The following RALYL variants were observed in gnomAD, a reference collection of about 807,000 sequenced individuals.
The protein encoded by RALYL is RNA-binding Raly-like protein.
Under a neutral mutation model 35.1 loss-of-function variants are expected in RALYL, and 29 were observed. The observed-to-expected ratio is 0.83, with a 90% CI of 0.61 to 1.13. The LOEUF is 1.13. Ranked by LOEUF, RALYL falls within the 50% of genes most tolerant of loss-of-function variation. The pLI is 0.00. For missense variants in RALYL, 359 were observed against 360.4 expected (o/e 1.00, Z 0.03); for synonymous variants, 120 against 127.6 (o/e 0.94, Z 0.40).
intron 1 of RALYL, among the ~76,000 whole-genome samples, chr8:84,413,968 C>T (rs2044359618): frequency 6.6e-6 from 1 of 151,974 alleles, no homozygotes; most frequent in African/African-American, 2.4e-5. Context: ...CTGAAAATCT[C>T]ATTAGAGTAT....
At chr8:84,835,197 C>T (rs886831138) in intron 4 of RALYL, among the ~76,000 whole-genome samples, 9 of 151,948 alleles carry the variant, frequency 5.9e-5, no homozygotes, top group Admixed American at 3.9e-4. Context: ...GAAAGGCTAA[C>T]AAAAATAAAT....
chr8:84,278,185 C>G (rs942276572), intron 1 of RALYL, among the ~76,000 whole-genome samples: 12 of 152,248 alleles, frequency 7.9e-5, no homozygotes, highest in African/African-American at 2.9e-4. Context: ...TTATTGACTT[C>G]TGTGCACCTG....
intron 2 of RALYL, among the ~76,000 whole-genome samples, chr8:84,610,049 T>C (rs1817962138): frequency 6.6e-6 from 1 of 152,120 alleles, no homozygotes; most frequent in South Asian, 2.1e-4. Flanking sequence ...ATCCCTCTCA[T>C]GTCAGTCACA....
At chr8:84,583,727 A>C (rs928711225) in intron 2 of RALYL, among the ~76,000 whole-genome samples, 8 of 152,270 alleles carry the variant, frequency 5.3e-5, no homozygotes, top group Admixed American at 5.2e-4. Context: ...ATATTCTTAA[A>C]AAACACATTT....
rs561214730 is a variant in RALYL, at chr8:84,472,198, A to T, written c.-23-57101A>T. ...CATTCCTTTATTTGACCATTCATTCATTTATTCATTATTCAGAACTTCCTG... is the reference window on the plus strand; with the variant it reads ...CATTCCTTTATTTGACCATTCATTCTTTTATTCATTATTCAGAACTTCCTG... On this transcript the variant is annotated intron_variant, in intron 1 of 8. Coordinates refer to ENST00000521268, the MANE Select transcript of RALYL (RefSeq NM_173848.7). Among the ~76,000 whole-genome samples the T allele has an allele frequency of 3.9e-5, 6 of 152,244 alleles. No individual in the cohort carries two copies. The East Asian group carries it at 1.2e-3, about 29-fold the overall frequency.
intron 2 of RALYL, among the ~76,000 whole-genome samples, chr8:84,678,576 G>GT (rs1300334336): frequency 3.3e-5 from 5 of 152,028 alleles, no homozygotes; most frequent in Admixed American, 6.6e-5. Context: ...CAAGTGTAGC[G>GT]TTTTTTAATG....
intron 2 of RALYL, among the ~76,000 whole-genome samples, chr8:84,543,300 A>G (rs912197470): frequency 6.6e-6 from 1 of 151,992 alleles, no homozygotes; most frequent in African/African-American, 2.4e-5. Flanking sequence ...TAAAAAGAGA[A>G]ATATTTTTCA....
chr8:84,413,357 G>T (rs922949317), intron 1 of RALYL, among the ~76,000 whole-genome samples: 2 of 150,762 alleles, frequency 1.3e-5, no homozygotes, highest in South Asian at 4.2e-4. Flanking sequence ...AAACATTTTG[G>T]TTATTTGGGA....
At chr8:84,580,630 A>C (rs1674739657) in intron 2 of RALYL, among the ~76,000 whole-genome samples, 1 of 152,214 alleles carries the variant, frequency 6.6e-6, no homozygotes, top group Admixed American at 6.5e-5. Flanking sequence ...AAGGAGACAA[A>C]TATTCAAACT....
chr8:84,724,817 A>C (rs1394638876), intron 2 of RALYL, among the ~76,000 whole-genome samples: 1 of 151,800 alleles, frequency 6.6e-6, no homozygotes, highest in African/African-American at 2.4e-5. Context: ...ATAATCATCA[A>C]ATCAATAGTC....
intron 1 of RALYL, among the ~76,000 whole-genome samples, chr8:84,440,958 GTAGTTTTACTATTT>G (rs1435155581): frequency 2.0e-4 from 31 of 151,938 alleles, no homozygotes; most frequent in Admixed American, 2.0e-3. Flanking sequence ...TATTCCCAAA[GTAGTTTTACTATTT>G]TTCATTCCCA....
At chr8:84,414,270 AT>A (rs1188197142) in intron 1 of RALYL, among the ~76,000 whole-genome samples, 1 of 152,150 alleles carries the variant, frequency 6.6e-6, no homozygotes, top group East Asian at 1.9e-4. Flanking sequence ...ATACTTTGCC[AT>A]TTTTGTTCAC....
chr8:84,195,165 G>A (rs1345513621), intron 1 of RALYL, among the ~76,000 whole-genome samples: 1 of 152,078 alleles, frequency 6.6e-6, no homozygotes, highest in Non-Finnish European at 1.5e-5. Context: ...TGGGCATAAT[G>A]GGTGAGAATT....
intron 3 of RALYL, among the ~76,000 whole-genome samples, chr8:84,802,407 C>CTT (rs1215098449): frequency 2.6e-5 from 4 of 152,148 alleles, no homozygotes; most frequent in African/African-American, 7.2e-5. Flanking sequence ...ATTTTGAAAA[C>CTT]TTTGAATTTC....
At chr8:84,252,653 G>A (rs1017148206) in intron 1 of RALYL, among the ~76,000 whole-genome samples, 2 of 152,080 alleles carry the variant, frequency 1.3e-5, no homozygotes, top group Admixed American at 1.3e-4. Context: ...TCATTTAGTG[G>A]TGAAGAGAAG....
intron 2 of RALYL, among the ~76,000 whole-genome samples, chr8:84,686,607 G>C (rs2132074987): frequency 6.6e-6 from 1 of 152,050 alleles, no homozygotes; most frequent in African/African-American, 2.4e-5. Flanking sequence ...GTTTCACCAT[G>C]TTGGCCAGGC....
chr8:84,786,034 T>C (rs573390943), intron 3 of RALYL, among the ~76,000 whole-genome samples: 28 of 152,338 alleles, frequency 1.8e-4, no homozygotes, highest in Non-Finnish European at 3.7e-4. Flanking sequence ...CCTGTATCCA[T>C]GTGTTCTCAT....
intron 2 of RALYL, among the ~76,000 whole-genome samples, chr8:84,734,117 C>A (rs1184300786): frequency 3.3e-5 from 5 of 152,134 alleles, no homozygotes; most frequent in Non-Finnish European, 7.4e-5. Flanking sequence ...GAAAACCCTG[C>A]ATAGTCTATT....
chr8:84,870,874 C>A (rs529373196), intron 6 of RALYL, among the ~76,000 whole-genome samples: 35 of 152,172 alleles, frequency 2.3e-4, no homozygotes, highest in Admixed American at 1.2e-3. Context: ...AAGGGGCAAG[C>A]CTTTTCCCAA....
Sources: allele counts gnomAD v4.1 joint callset (sites outside exome capture counted in the v4.1 genomes callset), GRCh38; gene constraint gnomAD v4.1.1; transcripts MANE v1.5; gene names NCBI Gene and HGNC (gene_info 2026-07-23, HGNC 2026-07-21).